ADCY2: variants seen among roughly 807,000 people sequenced by gnomAD.
ADCY2 encodes adenylate cyclase 2.
ADCY2 carries 31 observed loss-of-function variants against 125.2 expected under a neutral mutation model. The ratio of observed to expected loss-of-function variants is 0.25; its 90% CI spans 0.19 to 0.33. The LOEUF (loss-of-function observed/expected upper bound fraction) is 0.33. ADCY2 is among the 10% of genes least tolerant of loss of function. The pLI is 1.00. For missense variants in ADCY2, 904 were observed against 1,418.2 expected (o/e 0.64, Z 5.82); for synonymous variants, 512 against 548.4 (o/e 0.93, Z 0.93).
At chr5:7,519,342 C>T (rs1307948136) in intron 2 of ADCY2, among the ~76,000 whole-genome samples, 3 of 152,174 alleles carry the variant, frequency 2.0e-5, no homozygotes, top group Non-Finnish European at 2.9e-5. Context: ...GAAGCGCTGG[C>T]GTGATTGCAC....
chr5:7,750,611 TAA>T (rs1373008243), intron 15 of ADCY2, among the ~76,000 whole-genome samples: 1 of 152,234 alleles, frequency 6.6e-6, no homozygotes, highest in Non-Finnish European at 1.5e-5. Flanking sequence ...TTTTGTATTT[TAA>T]AAAGTCTTTA....
At chr5:7,574,836 A>G (rs1220567941) in intron 3 of ADCY2, among the ~76,000 whole-genome samples, 1 of 152,200 alleles carries the variant, frequency 6.6e-6, no homozygotes, top group Non-Finnish European at 1.5e-5. Context: ...AAGAATGGTT[A>G]TTGAATTAGA....
chr5:7,621,721 T>C (rs529309899), intron 3 of ADCY2, among the ~76,000 whole-genome samples: 1 of 152,282 alleles, frequency 6.6e-6, no homozygotes, highest in African/African-American at 2.4e-5. Flanking sequence ...TAATAATAAT[T>C]TGCTAGTAGA....
intron 2 of ADCY2, among the ~76,000 whole-genome samples, chr5:7,461,892 C>A (rs77577603): frequency 3.5e-3 from 537 of 152,276 alleles, no homozygotes; most frequent in Middle Eastern, 0.014. Context: ...ATTTAAGCAT[C>A]TATGATAATG....
chr5:7,557,135 T>TTATATATATATATATA (rs60652060), intron 3 of ADCY2, among the ~76,000 whole-genome samples: 22 of 77,464 alleles, frequency 2.8e-4, no homozygotes, highest in African/African-American at 7.5e-4. Context: ...CAAAAACAGT[T>TTATATATATATATATA]TATATATATA....
At chr5:7,733,719 G>C (rs1193010444) in intron 14 of ADCY2, among the ~76,000 whole-genome samples, 3 of 152,132 alleles carry the variant, frequency 2.0e-5, no homozygotes, top group Non-Finnish European at 2.9e-5. Context: ...GATGGGATAA[G>C]CTCCCCCAAG....
At chr5:7,818,547 G>A (rs1344530701) in intron 23 of ADCY2, among the ~76,000 whole-genome samples, 4 of 151,948 alleles carry the variant, frequency 2.6e-5, no homozygotes, top group Non-Finnish European at 1.5e-5. Flanking sequence ...AGTAGAGACA[G>A]GATTTCTCTA....
intron 7 of ADCY2, 121 bp from the exon 8 acceptor site, chr5:7,706,623 G>A (rs147100070): frequency 1.2e-5 from 14 of 1,178,578 alleles, no homozygotes; most frequent in Admixed American, 1.9e-5. Context: ...CCATAGGAAG[G>A]TTTATGGTCA....
chr5:7,700,500 CTTT>C (rs34637526), intron 7 of ADCY2, among the ~76,000 whole-genome samples: 6 of 145,800 alleles, frequency 4.1e-5, no homozygotes, highest in Admixed American at 1.4e-4. Flanking sequence ...TTATCCTCAA[CTTT>C]TTTTTTTTTT....
At chr5:7,446,422 T>C (rs1345815603) in intron 2 of ADCY2, among the ~76,000 whole-genome samples, 3 of 152,230 alleles carry the variant, frequency 2.0e-5, no homozygotes, top group Non-Finnish European at 4.4e-5. Flanking sequence ...CCTGGTAATT[T>C]CTTTTACATT....
At chr5:7,508,833 C>G (rs1007606126) in intron 2 of ADCY2, among the ~76,000 whole-genome samples, 7 of 152,092 alleles carry the variant, frequency 4.6e-5, no homozygotes, top group Admixed American at 2.6e-4. Flanking sequence ...CCAAGAAAAC[C>G]CCCTCCAAAA....
chr5:7,432,365 T>C (rs1208240461), intron 2 of ADCY2, among the ~76,000 whole-genome samples: 1 of 152,186 alleles, frequency 6.6e-6, no homozygotes, highest in Admixed American at 6.5e-5. Flanking sequence ...ACTTAAGCTG[T>C]CCGCAGATGA....
rs997469242 is a variant in ADCY2 at position 7,396,146 on chromosome 5, G to C, written c.-151G>C. The stretch of plus-strand genomic sequence containing the variant: ...GTCAGCGCGCCCAGCCCGGGGCGCC[G>C]AGCTCCGCCCGCGCCGGAGGCCCCT... On this transcript the variant is annotated 5_prime_UTR_variant, in exon 1 of 25. Transcript: ENST00000338316. This position sits in a 1 kb window ranked among gnomAD's most constrained non-coding sequence, Gnocchi z 5.7. The C allele has an allele frequency of 1.7e-5, 3 of 172,670 alleles. No homozygotes were observed. Among genetic ancestry groups the C allele is most frequent in the Admixed American group, 1.4e-4 (2 of 14,414 alleles). 10.7% of individuals were successfully genotyped at this position (172,670 alleles called of 1,614,324 possible).
At position 7,396,340 on chromosome 5, in the gene ADCY2, G is replaced by T. The variant is rs991847848; in HGVS notation, c.44G>T (p.Arg15Leu). The change falls in exon 1 of 25, where the codon CGC becomes CTC. Residue 15 changes from arginine to leucine, a missense_variant. Arg to Leu is a moderately radical substitution (Grantham distance 102). Around this residue, in one of 7 missense-constraint regions of ADCY2, gnomAD observed 113 missense variants for 108.0 expected, o/e 1.05. Transcript: ENST00000338316. The surrounding 1 kb of genome is among the most constrained non-coding windows in gnomAD (Gnocchi z 5.7). The stretch of plus-strand genomic sequence containing the variant: ...CGGCGCCGCCGCTACCTGCGGGACC[G>T]CTCCGAGGAGGCGGCGGGCGGCGGA... ...AMRRRRYLRD[R>L]SEEAAGGGDG... 2 of 1,533,286 alleles carry T rather than the reference G, an allele frequency of 1.3e-6. No individual in the cohort carries two copies. Among genetic ancestry groups the T allele is most frequent in the Non-Finnish European group, 1.8e-6 (2 of 1,141,264 alleles). 95.0% of individuals were successfully genotyped at this position (1,533,286 alleles called of 1,614,324 possible).
rs1181100898 is a variant in ADCY2 at position 7,802,040 on chromosome 5, C to A, written c.2629-178C>A. The A allele has an allele frequency of 1.3e-5, 8 of 624,660 alleles. No individual in the cohort carries two copies. The highest frequency in any genetic ancestry group is 2.2e-5 in the South Asian group (1 of 44,990). 38.7% of individuals were successfully genotyped at this position (624,660 alleles called of 1,614,324 possible). A position where few individuals can be genotyped will look rare whatever the true frequency, so the allele number is the denominator to read the frequency against. On this transcript the variant is annotated intron_variant, in intron 20 of 24. Transcript: ENST00000338316. The surrounding 1 kb of genome is among the most constrained non-coding windows in gnomAD (Gnocchi z 4.6). The stretch of plus-strand genomic sequence containing the variant: ...TGGCCTGAATCCAGCTCATTAGAAG[C>A]TTTCCCCTGAGAGCAGCGGCAGCAT...
chr5:7,544,582 G>C (rs758957369), intron 3 of ADCY2, among the ~76,000 whole-genome samples: 1 of 152,126 alleles, frequency 6.6e-6, no homozygotes, highest in Non-Finnish European at 1.5e-5. Context: ...GGTTCATCAC[G>C]TGTGCAAAGT....
At chr5:7,445,844 A>G (rs1265311978) in intron 2 of ADCY2, among the ~76,000 whole-genome samples, 2 of 152,048 alleles carry the variant, frequency 1.3e-5, no homozygotes, top group Non-Finnish European at 2.9e-5. Context: ...ATGTTCTGCT[A>G]TTTGAAAGAA....
chr5:7,705,834 C>T (rs1741250342), intron 7 of ADCY2, among the ~76,000 whole-genome samples: 3 of 152,074 alleles, frequency 2.0e-5, no homozygotes, highest in South Asian at 2.1e-4. Flanking sequence ...ATCGTGGGTC[C>T]GTTTTGTTTG....
intron 15 of ADCY2, among the ~76,000 whole-genome samples, chr5:7,749,390 A>AT (rs1169008188): frequency 6.6e-6 from 1 of 152,276 alleles, no homozygotes; most frequent in African/African-American, 2.4e-5. Context: ...CCTTCAAAGT[A>AT]TTTTCAGACA....
Sources: allele counts gnomAD v4.1 joint callset (sites outside exome capture counted in the v4.1 genomes callset), GRCh38; gene constraint gnomAD v4.1.1; regional missense constraint gnomAD v4.1.1; non-coding constraint Gnocchi (gnomAD v3.1); transcripts MANE v1.5; gene names NCBI Gene and HGNC (gene_info 2026-07-23, HGNC 2026-07-21).